Variants in SREK1 observed in about 807,000 individuals in gnomAD.
The protein encoded by SREK1 is splicing regulatory glutamine/lysine-rich protein 1.
Under a neutral mutation model 66.5 loss-of-function variants are expected in SREK1, and 13 were observed. The ratio of observed to expected loss-of-function variants is 0.20; its 90% confidence interval spans 0.13 to 0.31. The LOEUF (loss-of-function observed/expected upper bound fraction) is 0.31, where lower values mean the gene tolerates loss of function less well. Ranked by LOEUF, SREK1 falls within the 10% of genes least tolerant of loss-of-function variation. The pLI is 1.00. For missense variants in SREK1, 607 were observed against 769.6 expected (o/e 0.79, Z 2.50); for synonymous variants, 265 against 263.5 (o/e 1.01, Z -0.05).
Position 66,177,248 on chromosome 5 carries a change from A to G in SREK1, c.1581-266A>G, listed in dbSNP as rs57213955. 8.0e-3 allele frequency: 2,130 copies of G among 265,076 alleles called. 47 individuals are homozygous for G. The highest frequency in any genetic ancestry group is 0.043 in the African/African-American group (1,974 of 45,416). 16.4% of individuals were successfully genotyped at this position (265,076 alleles called of 1,614,324 possible). ...ATATTGAATATTCGAAAACTATTAAATAGGCTATGCCAAATAGTGTTTTAT... is the reference window on the plus strand; with the variant it reads ...ATATTGAATATTCGAAAACTATTAAGTAGGCTATGCCAAATAGTGTTTTAT... On this transcript the variant is annotated intron_variant, in intron 10 of 11. Coordinates refer to ENST00000334121, the MANE Select transcript of SREK1 (RefSeq NM_001077199.3).
At chr5:66,171,047 C>A in intron 9 of SREK1, 100 bp downstream of exon 9, 1 of 1,371,114 alleles carries the variant, frequency 7.3e-7, no homozygotes, top group Non-Finnish European at 9.8e-7. Flanking sequence ...GCAAGTGGAA[C>A]CTGTAAAGTA....
intron 7 of SREK1, 30 bp downstream of exon 7, chr5:66,164,927 T>C: frequency 6.4e-7 from 1 of 1,563,032 alleles, no homozygotes; most frequent in Non-Finnish European, 8.7e-7. Context: ...TATTTAAATT[T>C]TATTTTAGTT....
chr5:66,153,609 CT>C lies in SREK1; in HGVS notation c.295+20del, dbSNP rs755489566. On this transcript the variant is annotated intron_variant, in intron 2 of 11. Transcript: ENST00000334121. ...CCTTGTGCAGAAGGTTGGTATCTCG[CT>C]TTTTTTCCTCTTATTTGAATTTCTG... The C allele has an allele frequency of 3.2e-5, 51 of 1,613,564 alleles. No homozygotes were observed. The highest frequency in any genetic ancestry group is 4.2e-5 in the Non-Finnish European group (49 of 1,179,866).
intron 2 of SREK1, chr5:66,158,690 C>T (rs1341788396): frequency 2.2e-5 from 19 of 874,736 alleles, no homozygotes; most frequent in Non-Finnish European, 2.8e-5. Context: ...AATTTCAATT[C>T]GCACATATTT....
At chr5:66,157,080 C>G (rs990646289) in intron 2 of SREK1, 4 of 967,712 alleles carry the variant, frequency 4.1e-6, no homozygotes, top group Admixed American at 6.2e-5. Context: ...TTTGCCATTA[C>G]CTTTAGGTAA....
Position 66,179,176 on chromosome 5 carries a change from A to G in SREK1, c.*308A>G, listed in dbSNP as rs1470180278. Reference sequence around the variant, plus strand: ...ACCATTGCAAATAAATTGAACATCAAAGATCCAAGTTTGTACTATCCCTAA... The same window carrying G: ...ACCATTGCAAATAAATTGAACATCAGAGATCCAAGTTTGTACTATCCCTAA... On this transcript the variant is annotated 3_prime_UTR_variant, in exon 12 of 12. Transcript: ENST00000334121. The G allele has an allele frequency of 1.0e-5, 2 of 191,118 alleles. No homozygotes were observed. The highest frequency in any genetic ancestry group is 1.1e-5 in the Non-Finnish European group (1 of 93,142). 11.8% of individuals were successfully genotyped at this position (191,118 alleles called of 1,614,324 possible).
chr5:66,147,463 G>A (rs766537852), intron 1 of SREK1, among the ~76,000 whole-genome samples: 1 of 152,112 alleles, frequency 6.6e-6, no homozygotes, highest in Non-Finnish European at 1.5e-5. Flanking sequence ...TATATAACCA[G>A]CACACAGTCA....
In SREK1 at chr5:66,179,976, T is replaced by C. The variant is rs1336154067; in HGVS notation, c.*1108T>C. 1 of 152,602 alleles carries C rather than the reference T, an allele frequency of 6.6e-6. No individual in the cohort carries two copies. Among genetic ancestry groups the C allele is most frequent in the Non-Finnish European group, 1.5e-5 (1 of 68,000 alleles). 9.5% of individuals were successfully genotyped at this position (152,602 alleles called of 1,614,324 possible). On this transcript the variant is annotated 3_prime_UTR_variant, in exon 12 of 12. Transcript: ENST00000334121. ...TGCAGCTTTGGGACCATCAGTTTTA[T>C]ACTGTGATAATTGAAAATGAAACAT...
chr5:66,164,540 C>T (rs1031617039), intron 6 of SREK1: 19 of 1,418,064 alleles, frequency 1.3e-5, no homozygotes, highest in East Asian at 3.0e-5. Context: ...TGTAATCGTA[C>T]GTTACGGCAG....
At chr5:66,150,504 T>C (rs1743696248) in intron 1 of SREK1, among the ~76,000 whole-genome samples, 2 of 152,222 alleles carry the variant, frequency 1.3e-5, no homozygotes, top group Admixed American at 1.3e-4. Flanking sequence ...AACAGAATAG[T>C]ACCTTTAAGG....
intron 2 of SREK1, chr5:66,158,650 T>A: frequency 2.4e-6 from 1 of 424,756 alleles, no homozygotes; most frequent in Non-Finnish European, 3.8e-6. Context: ...ATAGGTAGTT[T>A]CAGTAACAGG....
Position 66,153,484 on chromosome 5 carries a change from C to T in SREK1, c.183C>T (p.Ser61=), listed in dbSNP as rs747326146. The T allele has an allele frequency of 9.9e-6, 16 of 1,610,736 alleles. 1 individual carries two copies. Among genetic ancestry groups the T allele is most frequent in the South Asian group, 7.7e-5 (7 of 90,440 alleles). The part of the protein sequence containing the change: ...YPPDNAPLAF[S]SKVCYVKFRD... ...GCAGCAACGCACCTCTTGCTTTTTC[C>T]TCCAAAGTATGTTATGTTAAGTTTC... The change falls in exon 2 of 12, where the codon TCC becomes TCT. Residue 61 remains serine, a synonymous_variant. Transcript: ENST00000334121.
At chr5:66,173,845 C>G (rs149995598) in intron 9 of SREK1, among the ~76,000 whole-genome samples, 54 of 152,238 alleles carry the variant, frequency 3.5e-4, no homozygotes, top group African/African-American at 1.3e-3. Context: ...TATCTAATTT[C>G]CACATTAGAA....
At chr5:66,169,085 A>G (rs760908888) in intron 7 of SREK1, 7 of 152,240 alleles carry the variant, frequency 4.6e-5, no homozygotes, top group African/African-American at 9.6e-5. Flanking sequence ...TGTTGAGTCT[A>G]ATCACTTTGC....
intron 3 of SREK1, among the ~76,000 whole-genome samples, chr5:66,160,777 T>C (rs1744690696): frequency 6.6e-6 from 1 of 152,240 alleles, no homozygotes; most frequent in Non-Finnish European, 1.5e-5. Context: ...ATCTTAGTTC[T>C]GTATCATATT....
Position 66,170,056 on chromosome 5 carries a change from G to T in SREK1, c.1007G>T (p.Arg336Ile), listed in dbSNP as rs1745498926. 6.4e-7 allele frequency: 1 copy of T among 1,563,858 alleles called. No individual in the cohort carries two copies. Among genetic ancestry groups the T allele is most frequent in the Non-Finnish European group, 8.6e-7 (1 of 1,158,816 alleles). ...TAACAATTTTTTTTCTTTAGGAGTA[G>T]ATCCCATAATAGATCACGTTCAAGA... Reference protein sequence around the residue: ...RKRSQSKHRSRSHNRSRSRQK... With the variant: ...RKRSQSKHRSISHNRSRSRQK... Residue 336 changes from arginine (R) to isoleucine (I), a missense_variant, in exon 8 of 12, where the codon AGA becomes ATA. Transcript: ENST00000334121.
chr5:66,145,489 T>C (rs1743101611), intron 1 of SREK1, among the ~76,000 whole-genome samples: 1 of 152,160 alleles, frequency 6.6e-6, no homozygotes, highest in Non-Finnish European at 1.5e-5. Context: ...AAATTTTGAT[T>C]TATTTCCTAG....
rs1746546728 is a variant in SREK1 at position 66,182,088 on chromosome 5, T to G, written c.*3220T>G. On this transcript the variant is annotated 3_prime_UTR_variant, in exon 12 of 12. Coordinates refer to ENST00000334121, the MANE Select transcript of SREK1 (RefSeq NM_001077199.3). ...GAGTAATAGGCCTTTAAGTTTTTTT[T>G]TAATCTGTTAGAAATAAAGAGCATG... 2 of 152,192 alleles carry G rather than the reference T, an allele frequency of 1.3e-5. No homozygotes were observed. Among genetic ancestry groups the G allele is most frequent in the African/African-American group, 4.8e-5 (2 of 41,452 alleles). The allele number at this position is 152,192 out of a possible 1,614,324, so 9.4% of individuals were successfully genotyped here.
intron 5 of SREK1, 75 bp downstream of exon 5, chr5:66,162,667 T>G: frequency 4.2e-6 from 6 of 1,421,348 alleles, no homozygotes; most frequent in Non-Finnish European, 5.7e-6. Flanking sequence ...GAAGGCTTTT[T>G]TTTTCTTTTT....
Sources: gnomAD v4.1 joint callset for allele counts (sites outside exome capture counted in the v4.1 genomes callset) on GRCh38, gnomAD v4.1.1 for gene constraint, MANE v1.5 for transcripts, NCBI Gene and HGNC (gene_info 2026-07-23, HGNC 2026-07-21) for gene names.